Variants in PLEKHH2 observed in about 807,000 individuals in gnomAD.
PLEKHH2 encodes pleckstrin homology domain-containing family H member 2.
In PLEKHH2, 129 loss-of-function variants were observed where a neutral mutation model predicts 187.9. The ratio of observed to expected loss-of-function variants is 0.69; its 90% CI spans 0.59 to 0.79. PLEKHH2 has a LOEUF of 0.79. PLEKHH2 is among the 30% of genes least tolerant of loss of function. The pLI is 0.00. For synonymous variants in PLEKHH2, 686 were observed against 605.6 expected (o/e 1.13, Z -1.95); for missense variants, 2,076 against 1,751.2 (o/e 1.19, Z -3.31).
intron 3 of PLEKHH2, among the ~76,000 whole-genome samples, chr2:43,680,198 A>T (rs1319953045): frequency 2.6e-5 from 4 of 152,198 alleles, no homozygotes; most frequent in African/African-American, 9.7e-5. Context: ...TAATATGGTT[A>T]ACTATAATTT....
intron 3 of PLEKHH2, among the ~76,000 whole-genome samples, chr2:43,682,659 T>A (rs1194665462): frequency 6.6e-6 from 1 of 152,158 alleles, no homozygotes; most frequent in African/African-American, 2.4e-5. Context: ...ATCACCTTTA[T>A]CTAGTTCCAA....
intron 2 of PLEKHH2, among the ~76,000 whole-genome samples, chr2:43,671,678 AT>A (rs1667505062): frequency 6.6e-6 from 1 of 152,114 alleles, no homozygotes; most frequent in African/African-American, 2.4e-5. Context: ...TGGATGTTGA[AT>A]TTTGTCAGAT....
At chr2:43,702,827 T>C (rs1380331476) in intron 8 of PLEKHH2, among the ~76,000 whole-genome samples, 2 of 152,152 alleles carry the variant, frequency 1.3e-5, no homozygotes, top group Non-Finnish European at 2.9e-5. Context: ...CAACATGTGA[T>C]AGTCAGCAGT....
chr2:43,730,874 G>T (rs1356326502), intron 18 of PLEKHH2, among the ~76,000 whole-genome samples: 1 of 152,074 alleles, frequency 6.6e-6, no homozygotes, highest in Admixed American at 6.6e-5. Context: ...TTCTACTTTG[G>T]CTTCTCCTCT....
chr2:43,710,434 C>T (rs1669902282), intron 13 of PLEKHH2, 55 bp from the exon 14 acceptor site: 1 of 1,583,164 alleles, frequency 6.3e-7, no homozygotes, highest in African/African-American at 1.4e-5. Context: ...CAAAGCATTC[C>T]TTATTATTAC....
chr2:43,720,428 C>A (rs1411610882), intron 15 of PLEKHH2, among the ~76,000 whole-genome samples: 2 of 152,092 alleles, frequency 1.3e-5, no homozygotes, highest in African/African-American at 4.8e-5. Flanking sequence ...AGCTTTTTAA[C>A]CCAGCCACCC....
intron 12 of PLEKHH2, 43 bp from the exon 13 acceptor site, chr2:43,710,177 A>G: frequency 6.2e-7 from 1 of 1,611,192 alleles, no homozygotes. Context: ...TTGAGCCTCC[A>G]AAAGGAAACT....
chr2:43,724,130 G>T (rs6544695), intron 16 of PLEKHH2, among the ~76,000 whole-genome samples: 60,271 of 122,124 alleles, frequency 0.49, 12,690 homozygotes, highest in African/African-American at 0.63. Flanking sequence ...TTGTCAAGGA[G>T]GACTTACCAA....
At chr2:43,648,269 A>G (rs1318596074) in intron 2 of PLEKHH2, among the ~76,000 whole-genome samples, 1 of 151,728 alleles carries the variant, frequency 6.6e-6, no homozygotes, top group Non-Finnish European at 1.5e-5. Flanking sequence ...GCTCACTGCA[A>G]CCTCCGCCTC....
chr2:43,758,239 T>C (rs1399851777), intron 26 of PLEKHH2, among the ~76,000 whole-genome samples: 1 of 152,130 alleles, frequency 6.6e-6, no homozygotes. Flanking sequence ...GGATTCATCT[T>C]TGGGCTCTAC....
chr2:43,711,994 A>G, intron 14 of PLEKHH2: 7 of 1,253,556 alleles, frequency 5.6e-6, no homozygotes, highest in Non-Finnish European at 5.1e-6. Flanking sequence ...CCCCAAAATT[A>G]GGTAAACTGG....
chr2:43,640,950 A>ATT (rs58200065), intron 1 of PLEKHH2, among the ~76,000 whole-genome samples: 18,109 of 115,638 alleles, frequency 0.16, 1,634 homozygotes, highest in Middle Eastern at 0.26. Flanking sequence ...TGCCTGGCTA[A>ATT]TTTTTTTTTT....
At chr2:43,740,719 C>A in intron 20 of PLEKHH2, 1 of 601,354 alleles carries the variant, frequency 1.7e-6, no homozygotes, top group Non-Finnish European at 2.3e-6. Context: ...GCCTTGGTTC[C>A]TCAGTTGTAG....
At chr2:43,686,814 G>A (rs1423033991) in intron 3 of PLEKHH2, among the ~76,000 whole-genome samples, 1 of 152,046 alleles carries the variant, frequency 6.6e-6, no homozygotes, top group African/African-American at 2.4e-5. Flanking sequence ...ACATTCTTGA[G>A]TTCAAGTTTT....
intron 14 of PLEKHH2, 193 bp downstream of exon 14, chr2:43,710,768 G>A: frequency 1.5e-6 from 2 of 1,360,266 alleles, no homozygotes; most frequent in African/African-American, 1.5e-5. Context: ...TTAGGTGTGT[G>A]TTGAGTAACT....
intron 2 of PLEKHH2, among the ~76,000 whole-genome samples, chr2:43,669,181 T>C (rs1667378320): frequency 6.6e-6 from 1 of 152,144 alleles, no homozygotes; most frequent in African/African-American, 2.4e-5. Flanking sequence ...CTGGTTCAAA[T>C]ACCCAGACTC....
chr2:43,681,099 C>G (rs1328523166), intron 3 of PLEKHH2: 28 of 1,043,020 alleles, frequency 2.7e-5, no homozygotes, highest in Non-Finnish European at 3.6e-5. Context: ...CCAACCAACT[C>G]CAGAATTACT....
At chr2:43,708,014 C>T (rs975209701) in intron 11 of PLEKHH2, among the ~76,000 whole-genome samples, 2 of 152,240 alleles carry the variant, frequency 1.3e-5, no homozygotes, top group Middle Eastern at 3.4e-3. Flanking sequence ...GTAGTGGTTA[C>T]AGAGAGATCT....
chr2:43,724,099 G>C (rs955069055), intron 16 of PLEKHH2, among the ~76,000 whole-genome samples: 2 of 146,318 alleles, frequency 1.4e-5, no homozygotes, highest in African/African-American at 5.1e-5. Context: ...ACTTGAGATG[G>C]GGAAGACTGG....
Sources: allele counts gnomAD v4.1 joint callset (sites outside exome capture counted in the v4.1 genomes callset), GRCh38; gene constraint gnomAD v4.1.1; transcripts MANE v1.5; gene names NCBI Gene and HGNC (gene_info 2026-07-23, HGNC 2026-07-21).